The following GRIK4 variants were observed in gnomAD, a reference collection of about 807,000 sequenced individuals.
The protein encoded by GRIK4 is glutamate receptor ionotropic, kainate 4.
A neutral mutation model predicts 104.9 loss-of-function variants in GRIK4; 40 were observed. That is an observed-to-expected ratio of 0.38 (90% CI 0.30 to 0.50). GRIK4 has a LOEUF of 0.50. Ranked by LOEUF, GRIK4 falls within the 20% of genes least tolerant of loss-of-function variation. The pLI is 0.93. For missense variants in GRIK4, 1,047 were observed against 1,308.1 expected (o/e 0.80, Z 3.08); for synonymous variants, 485 against 524.9 (o/e 0.92, Z 1.04).
intron 1 of GRIK4, among the ~76,000 whole-genome samples, chr11:120,571,122 C>A (rs1185102148): frequency 6.6e-6 from 1 of 152,218 alleles, no homozygotes; most frequent in African/African-American, 2.4e-5. Context: ...TGGTGCCCGG[C>A]TGTTTTCCTG....
chr11:120,930,937 A>G (rs1210108901), intron 13 of GRIK4, among the ~76,000 whole-genome samples: 1 of 152,108 alleles, frequency 6.6e-6, no homozygotes, highest in Non-Finnish European at 1.5e-5. Context: ...TTTCTTAGGG[A>G]GGACAGGTAT....
chr11:120,658,257 A>G (rs1018471885), intron 2 of GRIK4, among the ~76,000 whole-genome samples: 1 of 152,040 alleles, frequency 6.6e-6, no homozygotes, highest in Non-Finnish European at 1.5e-5. Flanking sequence ...CACTGTGTGC[A>G]TATATAATGT....
At chr11:120,822,933 C>T (rs1252608030) in intron 6 of GRIK4, among the ~76,000 whole-genome samples, 2 of 152,204 alleles carry the variant, frequency 1.3e-5, no homozygotes, top group Non-Finnish European at 2.9e-5. Context: ...GATGTTCCCA[C>T]TTCAAGGAAC....
intron 1 of GRIK4, among the ~76,000 whole-genome samples, chr11:120,645,887 C>T (rs143814117): frequency 3.3e-4 from 50 of 152,336 alleles, no homozygotes; most frequent in African/African-American, 1.1e-3. Flanking sequence ...AATTACCCTC[C>T]TGCCGGGTTT....
chr11:120,679,510 C>T (rs1282592634), intron 3 of GRIK4, among the ~76,000 whole-genome samples: 1 of 152,258 alleles, frequency 6.6e-6, no homozygotes, highest in African/African-American at 2.4e-5. Flanking sequence ...CCATCTAATA[C>T]AGTCCTGGGA....
intron 3 of GRIK4, among the ~76,000 whole-genome samples, chr11:120,703,857 G>A (rs1001751863): frequency 1.3e-5 from 2 of 152,206 alleles, no homozygotes; most frequent in Admixed American, 6.5e-5. Context: ...GGTAGGTACA[G>A]GATGGGGTGG....
intron 10 of GRIK4, 54 bp downstream of exon 10, chr11:120,874,272 A>C: frequency 6.8e-7 from 1 of 1,460,884 alleles, no homozygotes; most frequent in East Asian, 2.3e-5. Context: ...GGGGTGGGAC[A>C]CTTGGTTCAA....
At chr11:120,569,009 A>G (rs959610528) in intron 1 of GRIK4, among the ~76,000 whole-genome samples, 2 of 152,258 alleles carry the variant, frequency 1.3e-5, no homozygotes, top group Admixed American at 6.5e-5. Flanking sequence ...TTCATCTACA[A>G]TCCAATAAGA....
chr11:120,662,151 G>A (rs1007840921), intron 3 of GRIK4, among the ~76,000 whole-genome samples: 3 of 152,174 alleles, frequency 2.0e-5, no homozygotes, highest in African/African-American at 4.8e-5. Flanking sequence ...AGCAGAAAGC[G>A]GAGCTGACAG....
chr11:120,552,111 A>G (rs1416136182), intron 1 of GRIK4, among the ~76,000 whole-genome samples: 4 of 152,236 alleles, frequency 2.6e-5, no homozygotes, highest in African/African-American at 9.6e-5. Flanking sequence ...GGGAATCTCA[A>G]CTTGAAGCTG....
At chr11:120,875,074 T>A (rs1316199335) in intron 10 of GRIK4, 65 bp from the exon 11 acceptor site, 19 of 1,014,054 alleles carry the variant, frequency 1.9e-5, no homozygotes, top group Non-Finnish European at 2.7e-5. Context: ...TGTGTAGAAA[T>A]CTTGCTTGGG....
In GRIK4 at chr11:120,743,938, A is replaced by G. The variant is rs74785831; in HGVS notation, c.83-58755A>G. Among the ~76,000 whole-genome samples the G allele has an allele frequency of 1.4e-4, 21 of 152,318 alleles. No homozygotes were observed. The East Asian group carries it at 4.0e-3, about 29-fold the overall frequency. ...CTTTAATATGTGAACTTCAATCTTCATTGTAACGAGTAGCACAGCGAGGCT... is the reference window on the plus strand; with the variant it reads ...CTTTAATATGTGAACTTCAATCTTCGTTGTAACGAGTAGCACAGCGAGGCT... On this transcript the variant is annotated intron_variant, in intron 3 of 20. Transcript: ENST00000527524.
chr11:120,983,821 A>C (rs1332980163), intron 20 of GRIK4, among the ~76,000 whole-genome samples: 1 of 152,238 alleles, frequency 6.6e-6, no homozygotes, highest in Admixed American at 6.5e-5. Context: ...TGCCTGAAGT[A>C]AAGACTGTGT....
At chr11:120,817,755 C>A (rs1952998266) in intron 5 of GRIK4, among the ~76,000 whole-genome samples, 1 of 152,216 alleles carries the variant, frequency 6.6e-6, no homozygotes, top group Non-Finnish European at 1.5e-5. Flanking sequence ...CCCAGCAGAG[C>A]CCAGTGGGCT....
At chr11:120,529,666 T>C (rs993160848) in intron 1 of GRIK4, among the ~76,000 whole-genome samples, 1 of 152,244 alleles carries the variant, frequency 6.6e-6, no homozygotes. Context: ...ATGATTTCAA[T>C]GTATCCCTTG....
chr11:120,591,455 TG>T (rs1948731755), intron 1 of GRIK4, among the ~76,000 whole-genome samples: 1 of 152,122 alleles, frequency 6.6e-6, no homozygotes, highest in Admixed American at 6.5e-5. Flanking sequence ...CTCCATCCCA[TG>T]TTCACTCTTC....
intron 1 of GRIK4, among the ~76,000 whole-genome samples, chr11:120,523,932 T>G (rs1199966528): frequency 6.6e-6 from 1 of 151,624 alleles, no homozygotes; most frequent in Non-Finnish European, 1.5e-5. Context: ...CATTCTTTTT[T>G]TTTTTTTTTT....
At chr11:120,582,372 A>C (rs373232954) in intron 1 of GRIK4, among the ~76,000 whole-genome samples, 237 of 152,024 alleles carry the variant, frequency 1.6e-3, no homozygotes, top group Non-Finnish European at 2.9e-3. Context: ...GGTAAATTGC[A>C]TGTCATGGGG....
intron 13 of GRIK4, among the ~76,000 whole-genome samples, chr11:120,935,305 C>G (rs960129101): frequency 1.3e-5 from 2 of 152,134 alleles, no homozygotes; most frequent in African/African-American, 4.8e-5. Flanking sequence ...AATGTTAAAA[C>G]TTTGGGAGGC....
Sources: gnomAD v4.1 joint callset for allele counts (sites outside exome capture counted in the v4.1 genomes callset) on GRCh38, gnomAD v4.1.1 for gene constraint, MANE v1.5 for transcripts, NCBI Gene and HGNC (gene_info 2026-07-23, HGNC 2026-07-21) for gene names.